The following ZNF251 variants were observed in gnomAD, a reference collection of about 807,000 sequenced individuals.
The protein encoded by ZNF251 is zinc finger protein 251.
Under a neutral mutation model 13.5 loss-of-function variants are expected in ZNF251, and 14 were observed. That is an observed-to-expected ratio of 1.04 (90% CI 0.69 to 1.63). The LOEUF is 1.63. Ranked by LOEUF, ZNF251 falls within the 40% of genes most tolerant of loss-of-function variation. ZNF251 has a pLI of 0.00. For synonymous variants in ZNF251, 287 were observed against 295.2 expected (o/e 0.97, Z 0.28); for missense variants, 764 against 834.9 (o/e 0.92, Z 1.05).
rs149433770 is a variant in ZNF251, at chr8:144,750,028, C to A, written c.277+3655G>T. On this transcript the variant is annotated intron_variant, in intron 4 of 4. Transcript: ENST00000292562. Reference sequence around the variant, plus strand: ...ACATCCAGCTTCTTAAAATTTTAATCTCTTTTGCTTACATTATCAATCTGT... The same window carrying A: ...ACATCCAGCTTCTTAAAATTTTAATATCTTTTGCTTACATTATCAATCTGT... Among the ~76,000 whole-genome samples the A allele has an allele frequency of 1.2e-4, 18 of 151,882 alleles. No homozygotes were observed. The East Asian group carries it at 3.5e-3, about 29-fold the overall frequency.
intron 4 of ZNF251, 32 bp downstream of exon 4, chr8:144,753,651 G>A: frequency 6.6e-7 from 1 of 1,515,896 alleles, no homozygotes; most frequent in South Asian, 1.2e-5. Context: ...TTGGGAGGCT[G>A]CTCCCAGGAT....
rs1328885075 is a variant in ZNF251, at chr8:144,755,135, C to G, written c.-76+270G>C. The G allele has an allele frequency of 2.5e-6, 3 of 1,207,006 alleles. No individual in the cohort carries two copies. The Admixed American group carries it at 1.2e-4, about 47-fold the overall frequency. The allele number at this position is 1,207,006 out of a possible 1,614,324, so 74.8% of individuals were successfully genotyped here. On this transcript the variant is annotated intron_variant, in intron 1 of 4. Coordinates refer to ENST00000292562, the MANE Select transcript of ZNF251 (RefSeq NM_138367.2). ...AGAGCCACGTGAGGGTGCAGCCTCA[C>G]CAAGGCTGAGGACGTGAGAAGGAGG...
chr8:144,722,691 A>G lies in ZNF251; in HGVS notation c.969T>C (p.Cys323=). The G allele has an allele frequency of 6.2e-7, 1 of 1,614,110 alleles. No individual in the cohort carries two copies. ...GGCTAAAGCCTCTTCCACATTCATT[A>G]CACTTGTAGGGTTTCTCTCCTGTGT... is the stretch of plus-strand genomic sequence containing the variant. ...IIHTGEKPYK[C]NECGRGFSQS... Residue 323 remains cysteine (C), a synonymous_variant, in exon 5 of 5, where the codon TGT becomes TGC. Coordinates refer to ENST00000292562, the MANE Select transcript of ZNF251 (RefSeq NM_138367.2). This position sits in a 1 kb window ranked among gnomAD's most constrained non-coding sequence, Gnocchi z 4.8.
intron 4 of ZNF251, among the ~76,000 whole-genome samples, chr8:144,748,553 T>A (rs1824538158): frequency 6.6e-6 from 1 of 152,030 alleles, no homozygotes; most frequent in African/African-American, 2.4e-5. Flanking sequence ...GATCTTGTCA[T>A]GAGACAGCAG....
intron 4 of ZNF251, among the ~76,000 whole-genome samples, chr8:144,738,256 G>C (rs1043660721): frequency 6.6e-6 from 1 of 152,256 alleles, no homozygotes. Context: ...GGTCCACCTG[G>C]TTGCCCATGG....
At chr8:144,746,663 C>T (rs1197175347) in intron 4 of ZNF251, among the ~76,000 whole-genome samples, 1 of 152,162 alleles carries the variant, frequency 6.6e-6, no homozygotes, top group Non-Finnish European at 1.5e-5. Context: ...ACTTATTTAA[C>T]AGACATAGCC....
intron 4 of ZNF251, among the ~76,000 whole-genome samples, chr8:144,735,381 CAAAAAA>C (rs145271344): frequency 3.2e-5 from 3 of 94,612 alleles, no homozygotes; most frequent in Non-Finnish European, 4.2e-5. Flanking sequence ...GACTCCGTCT[CAAAAAA>C]AAAAAAAAAA....
At chr8:144,726,877 G>GA (rs1246332303) in intron 4 of ZNF251, among the ~76,000 whole-genome samples, 3 of 150,576 alleles carry the variant, frequency 2.0e-5, no homozygotes, top group Non-Finnish European at 4.4e-5. Context: ...CTCCAAAAAA[G>GA]AAAAAAAAGA....
Position 144,749,875 on chromosome 8 carries a change from CTTTT to C in ZNF251, c.277+3804_277+3807del, listed in dbSNP as rs796849869. On this transcript the variant is annotated intron_variant, in intron 4 of 4. Transcript: ENST00000292562. ...AATTCTTAAAATTTCTTTTTCTTTTCTTTTTTTTCTTTTTTTTTTTTTTTTAAGA... is the reference window on the plus strand; with the variant it reads ...AATTCTTAAAATTTCTTTTTCTTTTCTTTTCTTTTTTTTTTTTTTTTAAGA... Among the ~76,000 whole-genome samples, 156 of 129,216 alleles carry C rather than the reference CTTTT, an allele frequency of 1.2e-3. 1 individual carries two copies. The highest frequency in any genetic ancestry group is 4.5e-3 in the African/African-American group (148 of 32,676). The allele number at this position is 129,216 out of a possible 152,430, so 84.8% of individuals were successfully genotyped here.
rs371744692 is a variant in ZNF251, at chr8:144,748,080, CT to C, written c.277+5602del. 1.8e-4 allele frequency among the ~76,000 whole-genome samples: 26 copies of C among 145,224 alleles called. 1 individual carries two copies. The highest frequency in any genetic ancestry group is 2.8e-4 in the Admixed American group (4 of 14,544). On this transcript the variant is annotated intron_variant, in intron 4 of 4. Transcript: ENST00000292562. ...ATGACTACCACACTTGACAACCTCA[CT>C]TTTTTTTTTTGAGATGGAGTCTCAC...
chr8:144,722,528 T>C lies in ZNF251; in HGVS notation c.1132A>G (p.Lys378Glu). 1 of 1,611,446 alleles carries C rather than the reference T, an allele frequency of 6.2e-7. No individual in the cohort carries two copies. Among genetic ancestry groups the C allele is most frequent in the Non-Finnish European group, 8.5e-7 (1 of 1,179,212 alleles). ...AAGGCCTTCCCACACTGATTGCATT[T>C]ATGGGGCTTCTCTCCAGTGTGAATT... is the stretch of plus-strand genomic sequence containing the variant. ...ERIHTGEKPHKCNQCGKAFSQ... is the reference protein window; with the variant it reads ...ERIHTGEKPHECNQCGKAFSQ... The change falls in exon 5 of 5, where the codon AAA (lysine) becomes GAA (glutamate). Residue 378 changes from lysine to glutamate, a missense_variant. By Grantham distance (56) the Lys-to-Glu change is moderately conservative. Transcript: ENST00000292562. This position sits in a 1 kb window ranked among gnomAD's most constrained non-coding sequence, Gnocchi z 4.8.
Position 144,722,417 on chromosome 8 carries a change from C to A in ZNF251, c.1243G>T (p.Gly415Cys). The change falls in exon 5 of 5, where the codon GGT (glycine) becomes TGT (cysteine). Residue 415 changes from glycine to cysteine, a missense_variant. Coordinates refer to ENST00000292562, the MANE Select transcript of ZNF251 (RefSeq NM_138367.2). This position sits in a 1 kb window ranked among gnomAD's most constrained non-coding sequence, Gnocchi z 4.8. Reference protein sequence around the residue: ...YVCNECGRAFGFNSHLTEHVR... With the variant: ...YVCNECGRAFCFNSHLTEHVR... ...TGTTCAGTAAGATGAGAGTTAAAAC[C>A]AAAGGCTCTGCCGCATTCATTACAT... 1.2e-6 allele frequency: 2 copies of A among 1,613,830 alleles called. No homozygotes were observed. Among genetic ancestry groups the A allele is most frequent in the Non-Finnish European group, 1.7e-6 (2 of 1,179,898 alleles).
In ZNF251 at chr8:144,754,795, C is replaced by T. The variant is rs548500445; in HGVS notation, c.-67G>A. 6 of 1,581,478 alleles carry T rather than the reference C, an allele frequency of 3.8e-6. No individual in the cohort carries two copies. The highest frequency in any genetic ancestry group is 2.3e-5 in the East Asian group (1 of 43,530). ...AGACTGCCCTGGCCTGAAGTCTCCC[C>T]GAACTTACCTTCAGTGGGGAGAACT... On this transcript the variant is annotated 5_prime_UTR_variant, in exon 2 of 5. Transcript: ENST00000292562.
At chr8:144,744,156 G>C (rs561791285) in intron 4 of ZNF251, among the ~76,000 whole-genome samples, 1 of 151,866 alleles carries the variant, frequency 6.6e-6, no homozygotes, top group Admixed American at 6.6e-5. Context: ...TGGAATTACA[G>C]GTGCCACCAC....
chr8:144,724,999 T>A lies in ZNF251; in HGVS notation c.278-1617A>T, dbSNP rs562110173. Among the ~76,000 whole-genome samples, 198 of 146,422 alleles carry A rather than the reference T, an allele frequency of 1.4e-3. 1 individual carries two copies. Among genetic ancestry groups the A allele is most frequent in the Non-Finnish European group, 1.1e-3 (72 of 65,264 alleles). On this transcript the variant is annotated intron_variant, in intron 4 of 4. Coordinates refer to ENST00000292562, the MANE Select transcript of ZNF251 (RefSeq NM_138367.2). ...AAACAATTATGTATCCACCACCACC[T>A]TTTTTCTTTCTTTCTTGTTTTTTTT...
rs1823386333 is a variant in ZNF251 at position 144,722,070 on chromosome 8, G to A, written c.1590C>T (p.Ser530=). 2 of 1,613,882 alleles carry A rather than the reference G, an allele frequency of 1.2e-6. No homozygotes were observed. The highest frequency in any genetic ancestry group is 2.2e-5 in the South Asian group (2 of 91,064). The change falls in exon 5 of 5, where the codon AGC becomes AGT. Residue 530 remains serine, a synonymous_variant. Coordinates refer to ENST00000292562, the MANE Select transcript of ZNF251 (RefSeq NM_138367.2). The surrounding 1 kb of genome is among the most constrained non-coding windows in gnomAD (Gnocchi z 4.8). ...KHGPAFVHGS[S]LTADGQIPTG... ...TGGGAATCTGTCCATCTGCTGTGAGGCTGGAGCCATGAACAAAGGCTGGAC... is the reference window on the plus strand; with the variant it reads ...TGGGAATCTGTCCATCTGCTGTGAGACTGGAGCCATGAACAAAGGCTGGAC...
At chr8:144,730,148 G>A (rs1697150204) in intron 4 of ZNF251, 2 of 981,566 alleles carry the variant, frequency 2.0e-6, no homozygotes, top group South Asian at 9.4e-5. Flanking sequence ...AACCAAACAG[G>A]GAAGTGGAGA....
At chr8:144,749,158 C>G (rs546608150) in intron 4 of ZNF251, among the ~76,000 whole-genome samples, 13 of 151,982 alleles carry the variant, frequency 8.6e-5, no homozygotes, top group African/African-American at 2.7e-4. Context: ...GAGTGAGACC[C>G]CATCTCTAAA....
intron 4 of ZNF251, among the ~76,000 whole-genome samples, chr8:144,752,959 T>A (rs188697485): frequency 6.6e-6 from 1 of 152,044 alleles, no homozygotes; most frequent in Admixed American, 6.6e-5. Flanking sequence ...AGATGTATAT[T>A]CAATAGAACA....
Sources: allele counts gnomAD v4.1 joint callset (sites outside exome capture counted in the v4.1 genomes callset), GRCh38; gene constraint gnomAD v4.1.1; non-coding constraint Gnocchi (gnomAD v3.1); transcripts MANE v1.5; gene names NCBI Gene and HGNC (gene_info 2026-07-23, HGNC 2026-07-21).